Variants in KATNAL2 observed in about 807,000 individuals in gnomAD.
KATNAL2 encodes katanin p60 ATPase-containing subunit A-like 2.
In KATNAL2, 52 loss-of-function variants were observed where a neutral mutation model predicts 76.3. That is an observed-to-expected ratio of 0.68 (90% CI 0.55 to 0.86). The LOEUF (loss-of-function observed/expected upper bound fraction) is 0.86, where lower values mean the gene tolerates loss of function less well. Among genes scored for constraint, KATNAL2 ranks in the 40% least tolerant of loss-of-function variants. KATNAL2 has a pLI of 0.00. For missense variants in KATNAL2, 660 were observed against 668.9 expected (o/e 0.99, Z 0.15); for synonymous variants, 243 against 244.2 (o/e 1.00, Z 0.05).
chr18:47,046,372 G>T, intron 3 of KATNAL2, 85 bp from the exon 4 acceptor site: 1 of 885,754 alleles, frequency 1.1e-6, no homozygotes, highest in Non-Finnish European at 1.8e-6. Context: ...GGCTTTGACA[G>T]GTTACATTTA....
intron 15 of KATNAL2, among the ~76,000 whole-genome samples, chr18:47,094,816 G>T (rs1599874509): frequency 6.6e-6 from 1 of 152,206 alleles, no homozygotes; most frequent in African/African-American, 2.4e-5. Flanking sequence ...ACTGAGCCTG[G>T]TGTTTCCCAG....
intron 8 of KATNAL2, among the ~76,000 whole-genome samples, chr18:47,059,997 A>T (rs937872638): frequency 6.8e-5 from 10 of 146,356 alleles, no homozygotes; most frequent in African/African-American, 2.3e-4. Flanking sequence ...CGTTCTCATC[A>T]TTTTTTTTTT....
intron 6 of KATNAL2, among the ~76,000 whole-genome samples, chr18:47,057,177 A>T (rs72903212): frequency 0.025 from 3,756 of 152,276 alleles, 58 homozygotes; most frequent in Non-Finnish European, 0.039. Context: ...AAAGAAAGGA[A>T]GTTGAAATAG....
chr18:47,055,551 G>A (rs897707072), intron 6 of KATNAL2, among the ~76,000 whole-genome samples: 2 of 152,234 alleles, frequency 1.3e-5, no homozygotes, highest in African/African-American at 4.8e-5. Flanking sequence ...GATCCTACTT[G>A]TTATAATACT....
Position 47,034,395 on chromosome 18 carries a change from G to A in KATNAL2, c.52-12062G>A, listed in dbSNP as rs373135969. 3.0e-5 allele frequency: 49 copies of A among 1,614,050 alleles called. No individual in the cohort carries two copies. In the South Asian group the frequency reaches 3.6e-4, roughly 12 times the overall value. ...CCTCCAAGGCAGGGACACGCTGGCC[G>A]CTGCCAGCTTGCCCCCCTTCCTTGT... is the stretch of plus-strand genomic sequence containing the variant. On this transcript the variant is annotated intron_variant, in intron 3 of 17. Coordinates refer to ENST00000683218, the MANE Select transcript of KATNAL2 (RefSeq NM_001387690.1).
chr18:47,032,394 C>G (rs1193165854), intron 3 of KATNAL2, among the ~76,000 whole-genome samples: 1 of 152,130 alleles, frequency 6.6e-6, no homozygotes, highest in African/African-American at 2.4e-5. Context: ...CCACATGGAC[C>G]GTGCCACCAT....
In KATNAL2 at chr18:47,101,130, T is replaced by A. The variant is rs1182770437; in HGVS notation, c.*125T>A. ...AATTATTTTTGAAGACTGGATTAAC[T>A]TGAGCCACTGTATTGTTTTGGATAG... On this transcript the variant is annotated 3_prime_UTR_variant, in exon 18 of 18. Coordinates refer to ENST00000683218, the MANE Select transcript of KATNAL2 (RefSeq NM_001387690.1). 3.7e-6 allele frequency: 4 copies of A among 1,069,094 alleles called. No homozygotes were observed. The highest frequency in any genetic ancestry group is 5.4e-6 in the Non-Finnish European group (4 of 740,758). 66.2% of individuals were successfully genotyped at this position (1,069,094 alleles called of 1,614,324 possible).
intron 3 of KATNAL2, chr18:47,035,323 G>C: frequency 6.2e-7 from 1 of 1,609,136 alleles, no homozygotes; most frequent in Non-Finnish European, 8.5e-7. Context: ...CTTTGGGGCT[G>C]CGGGACAGGA....
At chr18:46,928,338 G>T (rs1270355642) in intron 1 of KATNAL2, among the ~76,000 whole-genome samples, 3 of 152,190 alleles carry the variant, frequency 2.0e-5, no homozygotes, top group Non-Finnish European at 2.9e-5. Flanking sequence ...GTTGGAATTT[G>T]CTAGAGGTCC....
intron 3 of KATNAL2, among the ~76,000 whole-genome samples, chr18:47,041,241 T>C (rs985362364): frequency 6.6e-6 from 1 of 152,202 alleles, no homozygotes; most frequent in South Asian, 2.1e-4. Context: ...TGAGGGTTCA[T>C]GCTTGCTGTT....
rs376877321 is a variant in KATNAL2, at chr18:47,043,245, A to AAAAAAAAAAAAAAAAAAAAAAAAAAAT, written c.52-3212_52-3211insAAAAAAAAAAAAAAAAAAAAAAAAAAT. ...CCGTTTCAAAAAAAAAAAAAAAAAA[A>AAAAAAAAAAAAAAAAAAAAAAAAAAAT]GAGATCCTAAAAGCTTCCTGGGAAG... On this transcript the variant is annotated intron_variant, in intron 3 of 17. Coordinates refer to ENST00000683218, the MANE Select transcript of KATNAL2 (RefSeq NM_001387690.1). Among the ~76,000 whole-genome samples, 187 of 93,116 alleles carry AAAAAAAAAAAAAAAAAAAAAAAAAAAT rather than the reference A, an allele frequency of 2.0e-3. 41 individuals are homozygous for AAAAAAAAAAAAAAAAAAAAAAAAAAAT. The highest frequency in any genetic ancestry group is 2.8e-3 in the Admixed American group (20 of 7,244). 61.1% of individuals were successfully genotyped at this position (93,116 alleles called of 152,430 possible). A position where few individuals can be genotyped will look rare whatever the true frequency, so the allele number is the denominator to read the frequency against.
intron 3 of KATNAL2, chr18:47,035,515 G>A: frequency 1.3e-6 from 1 of 740,784 alleles, no homozygotes; most frequent in Non-Finnish European, 2.2e-6. Context: ...AGCCTGGAGT[G>A]ACCTCTGCAG....
chr18:46,919,655 T>C (rs2058416964), intron 1 of KATNAL2, among the ~76,000 whole-genome samples: 2 of 152,074 alleles, frequency 1.3e-5, no homozygotes, highest in Admixed American at 1.3e-4. Flanking sequence ...TCTCAAAAAA[T>C]AAAAATTATT....
At position 47,033,241 on chromosome 18, in the gene KATNAL2, G is replaced by C; in HGVS notation, c.52-13216G>C. Reference sequence around the variant, plus strand: ...GTGGCTGCTTCCCGCGGGCTTGGAGGCTGGCTTGATCTCCCCATTTTCGGG... The same window carrying C: ...GTGGCTGCTTCCCGCGGGCTTGGAGCCTGGCTTGATCTCCCCATTTTCGGG... On this transcript the variant is annotated intron_variant, in intron 3 of 17. Transcript: ENST00000683218. 1 of 1,613,792 alleles carries C rather than the reference G, an allele frequency of 6.2e-7. No homozygotes were observed. The highest frequency in any genetic ancestry group is 8.5e-7 in the Non-Finnish European group (1 of 1,180,046).
chr18:47,072,985 C>T (rs2062059149), intron 13 of KATNAL2, among the ~76,000 whole-genome samples: 1 of 151,972 alleles, frequency 6.6e-6, no homozygotes, highest in Non-Finnish European at 1.5e-5. Context: ...CTAGAGTGGG[C>T]AGTCTTATAT....
chr18:46,930,831 A>G (rs767524714), intron 1 of KATNAL2, among the ~76,000 whole-genome samples: 7 of 148,644 alleles, frequency 4.7e-5, no homozygotes, highest in Non-Finnish European at 8.9e-5. Flanking sequence ...GGCCAGGCGC[A>G]GTGGTTCACA....
intron 3 of KATNAL2, among the ~76,000 whole-genome samples, chr18:46,954,647 GT>G (rs2059670960): frequency 6.6e-6 from 1 of 150,644 alleles, no homozygotes; most frequent in Admixed American, 6.6e-5. Context: ...TGTTTTTTGG[GT>G]TTTTTTGAGA....
intron 3 of KATNAL2, chr18:47,035,672 C>T (rs183165405): frequency 8.7e-6 from 3 of 344,432 alleles, no homozygotes; most frequent in Non-Finnish European, 1.7e-5. Flanking sequence ...CAGCACAATG[C>T]AGACAATCGG....
chr18:46,935,935 C>T (rs1251310748), intron 1 of KATNAL2, among the ~76,000 whole-genome samples: 1 of 151,934 alleles, frequency 6.6e-6, no homozygotes, highest in East Asian at 1.9e-4. Context: ...AAAAAAAGAC[C>T]CTCTGGACCA....
Sources: gnomAD v4.1 joint callset for allele counts (sites outside exome capture counted in the v4.1 genomes callset) on GRCh38, gnomAD v4.1.1 for gene constraint, MANE v1.5 for transcripts, NCBI Gene and HGNC (gene_info 2026-07-23, HGNC 2026-07-21) for gene names.